Variants in POLG observed in about 807,000 individuals in gnomAD.
The protein encoded by POLG is DNA polymerase subunit gamma-1.
A neutral mutation model predicts 155.4 loss-of-function variants in POLG; 110 were observed. The observed-to-expected ratio is 0.71, with a 90% confidence interval of 0.61 to 0.83. The LOEUF (loss-of-function observed/expected upper bound fraction) is 0.83. Among genes scored for constraint, POLG ranks in the 40% least tolerant of loss-of-function variants. The probability of loss-of-function intolerance (pLI) is 0.00; values close to 1 mark genes in which losing one functional copy is unlikely to be tolerated. For missense variants in POLG, 1,685 were observed against 1,627.5 expected (o/e 1.04, Z -0.61); for synonymous variants, 701 against 631.5 (o/e 1.11, Z -1.65).
chr15:89,323,528 C>T lies in POLG; in HGVS notation c.2158-17G>A. ...ACGGGCAGTCTGTGAGGGCCACACA[C>T]CTATATCAGGCCCTGCTCCAGCACC... On this transcript the variant is annotated splice_polypyrimidine_tract_variant and intron_variant, in intron 12 of 22. Coordinates refer to ENST00000268124, the MANE Select transcript of POLG (RefSeq NM_002693.3). 1 of 1,495,162 alleles carries T rather than the reference C, an allele frequency of 6.7e-7. No individual in the cohort carries two copies. Among genetic ancestry groups the T allele is most frequent in the Non-Finnish European group, 9.3e-7 (1 of 1,071,326 alleles). The allele number at this position is 1,495,162 out of a possible 1,614,324, so 92.6% of individuals were successfully genotyped here.
In POLG at chr15:89,325,492, G is replaced by C. The variant is rs917815816; in HGVS notation, c.1907C>G (p.Thr636Arg). 6.8e-6 allele frequency: 11 copies of C among 1,608,394 alleles called. No individual in the cohort carries two copies. Among genetic ancestry groups the C allele is most frequent in the Non-Finnish European group, 9.3e-6 (11 of 1,179,970 alleles). Residue 636 changes from threonine (T) to arginine (R), a missense_variant, in exon 10 of 23, where the codon ACA becomes AGA. By Grantham distance (71) the Thr-to-Arg change is moderately conservative. Coordinates refer to ENST00000268124, the MANE Select transcript of POLG (RefSeq NM_002693.3). ...GRRDNLAKLP[T>R]GTTLESAGVV... Reference sequence around the variant, plus strand: ...CCCAGCTGACTCCAGGGTGGTACCTGTCGGCAGCTTGGCCAGGTTGTCCCG... The same window carrying C: ...CCCAGCTGACTCCAGGGTGGTACCTCTCGGCAGCTTGGCCAGGTTGTCCCG...
Position 89,319,117 on chromosome 15 carries a change from G to C in POLG, c.3105-18C>G, listed in dbSNP as rs2152059518. ...ACTGTGACCTAAGGGACCAGAAACA[G>C]AGGGCAGACTTTGTCTTTCAGCATC... is the stretch of plus-strand genomic sequence containing the variant. On this transcript the variant is annotated intron_variant, in intron 19 of 22. Transcript: ENST00000268124. The C allele has an allele frequency of 1.2e-6, 2 of 1,614,180 alleles. No homozygotes were observed. Among genetic ancestry groups the C allele is most frequent in the Non-Finnish European group, 1.7e-6 (2 of 1,180,026 alleles).
At position 89,318,695 on chromosome 15, in the gene POLG, G is replaced by GT; in HGVS notation, c.3327dup (p.His1110ThrfsTer12). 6.2e-7 allele frequency: 1 copy of GT among 1,614,238 alleles called. No individual in the cohort carries two copies. Among genetic ancestry groups the GT allele is most frequent in the South Asian group, 1.1e-5 (1 of 91,090 alleles). ...CACTTCATGGCCACAAGCATGAGGT[G>GT]TAAGTAGTCAACAGCAGAGCTCTGT... On this transcript the variant is annotated frameshift_variant, in exon 21 of 23. Coordinates refer to ENST00000268124, the MANE Select transcript of POLG (RefSeq NM_002693.3). LOFTEE classifies it high-confidence loss of function.
rs587781115 is a variant in POLG, at chr15:89,321,274, G to A, written c.2599-14C>T. ...TACTCGGTCAGGCTGTGGGAAGAGT[G>A]AGATACCCAAATGAGACTCTTCCTA... On this transcript the variant is annotated splice_polypyrimidine_tract_variant and intron_variant, in intron 16 of 22. Transcript: ENST00000268124. 2.5e-6 allele frequency: 4 copies of A among 1,613,572 alleles called. No individual in the cohort carries two copies. Among genetic ancestry groups the A allele is most frequent in the Middle Eastern group, 1.6e-4 (1 of 6,082 alleles).
rs969620305 is a variant in POLG at position 89,329,174 on chromosome 15, C to A, written c.856-64G>T. ...GGCTGCAACTGTGGGGCCAGCCCAC[C>A]ACTGCTTGGTGGTGTGGACCTCCAG... On this transcript the variant is annotated intron_variant, in intron 3 of 22. Transcript: ENST00000268124. The A allele has an allele frequency of 1.6e-5, 23 of 1,437,628 alleles. No individual in the cohort carries two copies. The East Asian group carries it at 5.3e-4, about 33-fold the overall frequency. The allele number at this position is 1,437,628 out of a possible 1,614,324, so 89.1% of individuals were successfully genotyped here. A position where few individuals can be genotyped will look rare whatever the true frequency, so the allele number is the denominator to read the frequency against.
intron 6 of POLG, 145 bp from the exon 7 acceptor site, chr15:89,327,494 T>C: frequency 1.4e-6 from 1 of 738,718 alleles, no homozygotes. Context: ...AGCTCTACTG[T>C]TACTCATCCC....
intron 8 of POLG, 43 bp from the exon 9 acceptor site, chr15:89,326,781 T>C (rs2055525899): frequency 1.9e-6 from 3 of 1,613,490 alleles, no homozygotes; most frequent in African/African-American, 2.7e-5. Flanking sequence ...GAGAAGGAAC[T>C]CTCAATAAGA....
intron 12 of POLG, 143 bp from the exon 13 acceptor site, chr15:89,323,654 T>G (rs577730083): frequency 2.4e-6 from 2 of 818,366 alleles, no homozygotes; most frequent in South Asian, 2.8e-5. Context: ...TCACCCAGGC[T>G]TTCTCCTTGC....
Position 89,317,550 on chromosome 15 carries a change from A to G in POLG, c.3483-14T>C, listed in dbSNP as rs587781119. On this transcript the variant is annotated splice_polypyrimidine_tract_variant and intron_variant, in intron 21 of 22. Transcript: ENST00000268124. ...GCAAACATGCACCTGAAAGAGACCCAATCTACTCTCACAGTCATGCCCCTC... is the reference window on the plus strand; with the variant it reads ...GCAAACATGCACCTGAAAGAGACCCGATCTACTCTCACAGTCATGCCCCTC... 2.9e-5 allele frequency: 46 copies of G among 1,613,402 alleles called. No individual in the cohort carries two copies. The highest frequency in any genetic ancestry group is 1.6e-4 in the Middle Eastern group (1 of 6,084).
chr15:89,323,699 G>T, intron 12 of POLG, 116 bp downstream of exon 12: 1 of 938,674 alleles, frequency 1.1e-6, no homozygotes, highest in Non-Finnish European at 1.8e-6. Flanking sequence ...GGGCAGGGTG[G>T]CATCTCCAAC....
In POLG at chr15:89,328,539, G is replaced by A. The variant is rs2055552716; in HGVS notation, c.1171-4C>T. ...GGGCACAGTACTGCATCAGGTCCTGGCACAAGGTGACAGGAAGGCGCAAGG... is the reference window on the plus strand; with the variant it reads ...GGGCACAGTACTGCATCAGGTCCTGACACAAGGTGACAGGAAGGCGCAAGG... On this transcript the variant is annotated splice_region_variant and splice_polypyrimidine_tract_variant and intron_variant, in intron 5 of 22. Transcript: ENST00000268124. 3 of 1,612,970 alleles carry A rather than the reference G, an allele frequency of 1.9e-6. No homozygotes were observed. Among genetic ancestry groups the A allele is most frequent in the Non-Finnish European group, 1.7e-6 (2 of 1,179,208 alleles).
chr15:89,323,037 A>ACGCACGCG (rs41541220), intron 13 of POLG, 135 bp from the exon 14 acceptor site: 31 of 879,938 alleles, frequency 3.5e-5, no homozygotes, highest in East Asian at 2.8e-4. Context: ...TGATTGTATC[A>ACGCACGCG]CGCACGCGCG....
chr15:89,333,588 GGCTGCTGTT>G lies in POLG; in HGVS notation c.158_166del (p.Gln53_Gln55del), dbSNP rs769735492. The G allele has an allele frequency of 1.1e-4, 170 of 1,604,760 alleles. No individual in the cohort carries two copies. Among genetic ancestry groups the G allele is most frequent in the Non-Finnish European group, 1.3e-4 (152 of 1,176,630 alleles). Reference sequence around the variant, plus strand: ...CGAGGATAGCACTTGCGGCTGCTGAGGCTGCTGTTGCTGCTGCTGCTGCTGCTGCTGCTG... The same window carrying G: ...CGAGGATAGCACTTGCGGCTGCTGAGGCTGCTGCTGCTGCTGCTGCTGCTG... On this transcript the variant is annotated inframe_deletion, in exon 2 of 23. Transcript: ENST00000268124.
rs766196697 is a variant in POLG at position 89,317,503 on chromosome 15, G to C, written c.3516C>G (p.Asp1172Glu). The C allele has an allele frequency of 8.7e-6, 14 of 1,614,100 alleles. No individual in the cohort carries two copies. In the South Asian group the frequency reaches 1.5e-4, roughly 18 times the overall value. The change falls in exon 22 of 23, where the codon GAC (aspartate) becomes GAG (glutamate). Residue 1172 changes from aspartate (D) to glutamate (E), a missense_variant. Around this residue, in one of 3 missense-constraint regions of POLG, gnomAD observed 470 missense variants for 439.9 expected, o/e 1.07. Transcript: ENST00000268124. ...TGAAAAAGGCGACTGACTGGGGCAA[G>C]TCATTCAGACCCAGCTTGTAGGCAA... ...CMFAYKLGLN[D>E]LPQSVAFFSA...
At chr15:89,330,825 AC>A (rs2055584711) in intron 2 of POLG, among the ~76,000 whole-genome samples, 2 of 151,120 alleles carry the variant, frequency 1.3e-5, no homozygotes, top group Admixed American at 6.6e-5. Context: ...AGCAAATCAC[AC>A]ACCTTGGAGA....
chr15:89,333,962 G>A (rs889252788), intron 1 of POLG, 49 bp from the exon 2 acceptor site: 1 of 611,774 alleles, frequency 1.6e-6, no homozygotes, highest in Non-Finnish European at 2.9e-6. Flanking sequence ...ATATGTAATA[G>A]GTGTATCCAT....
chr15:89,332,008 G>T lies in POLG; in HGVS notation c.659+1088C>A, dbSNP rs1055182268. ...TGAGGTAATTTGGCCTAAAATGACC[G>T]ACAGATCAAAAAACAAATCTTTCTT... On this transcript the variant is annotated intron_variant, in intron 2 of 22. Transcript: ENST00000268124. Among the ~76,000 whole-genome samples the T allele has an allele frequency of 2.6e-5, 4 of 152,290 alleles. No individual in the cohort carries two copies. In the East Asian group the frequency reaches 5.8e-4, roughly 22 times the overall value.
chr15:89,331,023 A>C (rs2055587478), intron 2 of POLG, among the ~76,000 whole-genome samples: 1 of 152,148 alleles, frequency 6.6e-6, no homozygotes, highest in Admixed American at 6.5e-5. Flanking sequence ...CCACTGAGGA[A>C]ATGCCTGTTG....
chr15:89,325,868 A>G (rs879720523), intron 9 of POLG, among the ~76,000 whole-genome samples, 182 bp from the exon 10 acceptor site: 9 of 152,154 alleles, frequency 5.9e-5, no homozygotes, highest in South Asian at 2.1e-4. Context: ...GGAATCCTCT[A>G]GAAGAATATT....
Sources: allele counts gnomAD v4.1 joint callset (sites outside exome capture counted in the v4.1 genomes callset), GRCh38; gene constraint gnomAD v4.1.1; regional missense constraint gnomAD v4.1.1; transcripts MANE v1.5; gene names NCBI Gene and HGNC (gene_info 2026-07-23, HGNC 2026-07-21).